The following GLYAT variants were observed in gnomAD, a reference collection of about 807,000 sequenced individuals.
GLYAT encodes glycine-N-acyltransferase.
A neutral mutation model predicts 22.8 loss-of-function variants in GLYAT; 25 were observed. The ratio of observed to expected loss-of-function variants is 1.09; its 90% CI spans 0.80 to 1.53. GLYAT has a LOEUF of 1.53. Among genes scored for constraint, GLYAT ranks in the 40% most tolerant of loss-of-function variants. GLYAT has a pLI of 0.00. For synonymous variants in GLYAT, 140 were observed against 122.7 expected (o/e 1.14, Z -0.93); for missense variants, 411 against 353.9 (o/e 1.16, Z -1.29).
At chr11:58,727,377 T>C (rs899105430) in intron 1 of GLYAT, among the ~76,000 whole-genome samples, 2 of 152,184 alleles carry the variant, frequency 1.3e-5, no homozygotes, top group Admixed American at 6.5e-5. Flanking sequence ...GGCAGACTTG[T>C]CTTCAAGCCA....
chr11:58,728,352 C>T (rs567024593), intron 1 of GLYAT, among the ~76,000 whole-genome samples: 44 of 152,052 alleles, frequency 2.9e-4, no homozygotes, highest in African/African-American at 9.9e-4. Flanking sequence ...TGAGCCACTG[C>T]GCCTGGCTAA....
intron 1 of GLYAT, among the ~76,000 whole-genome samples, chr11:58,728,146 T>G (rs1160535392): frequency 7.9e-6 from 1 of 126,402 alleles, no homozygotes; most frequent in Non-Finnish European, 1.6e-5. Context: ...CACTGCAACC[T>G]CCACCTCCCA....
chr11:58,719,476 T>C (rs1856723024), intron 2 of GLYAT, among the ~76,000 whole-genome samples: 1 of 152,040 alleles, frequency 6.6e-6, no homozygotes, highest in African/African-American at 2.4e-5. Flanking sequence ...TTTTCATCAG[T>C]GTTCCTTTGA....
Position 58,709,814 on chromosome 11 carries a change from A to G in GLYAT, c.843T>C (p.His281=). 1 of 1,613,800 alleles carries G rather than the reference A, an allele frequency of 6.2e-7. No individual in the cohort carries two copies. The highest frequency in any genetic ancestry group is 8.5e-7 in the Non-Finnish European group (1 of 1,179,710). ...AMQKMSYTLQ[H]VPIPRSWNQW... ...GGTTCCAGCTTCTGGGAATGGGAACATGTTGCAGTGTGTAACTCATTTTTT... is the reference window on the plus strand; with the variant it reads ...GGTTCCAGCTTCTGGGAATGGGAACGTGTTGCAGTGTGTAACTCATTTTTT... The change falls in exon 6 of 6, where the codon CAT becomes CAC. Residue 281 remains histidine (H), a synonymous_variant. Transcript: ENST00000344743.
chr11:58,728,892 A>AAGAAAGAAAGAAGGAAGGAG (rs200455663), intron 1 of GLYAT, among the ~76,000 whole-genome samples: 25 of 89,196 alleles, frequency 2.8e-4, no homozygotes, highest in African/African-American at 1.1e-3. Context: ...GAAAGAAAGA[A>AAGAAAGAAAGAAGGAAGGAG]GGAAGGAAGG....
intron 3 of GLYAT, among the ~76,000 whole-genome samples, chr11:58,713,730 A>G (rs1314706547): frequency 1.3e-5 from 2 of 152,084 alleles, no homozygotes; most frequent in African/African-American, 2.4e-5. Context: ...GAATTAAAAA[A>G]CTTTTTAAAA....
intron 1 of GLYAT, among the ~76,000 whole-genome samples, chr11:58,730,383 C>T (rs917062453): frequency 1.3e-5 from 2 of 152,042 alleles, no homozygotes; most frequent in South Asian, 2.1e-4. Context: ...TAAGGTGGGA[C>T]GATTCTAATA....
intron 2 of GLYAT, among the ~76,000 whole-genome samples, chr11:58,720,317 C>A (rs189970544): frequency 6.6e-6 from 1 of 151,900 alleles, no homozygotes; most frequent in Non-Finnish European, 1.5e-5. Flanking sequence ...AAATTATGAC[C>A]AATTTGCCTA....
chr11:58,710,533 A>G (rs1489113879), intron 5 of GLYAT, 57 bp downstream of exon 5: 5 of 1,269,734 alleles, frequency 3.9e-6, no homozygotes, highest in Middle Eastern at 3.7e-4. Flanking sequence ...CAGGGAGAGA[A>G]GTTGGGAGGT....
At position 58,720,722 on chromosome 11, in the gene GLYAT, A is replaced by G. The variant is rs114621024; in HGVS notation, c.81+3694T>C. Reference sequence around the variant, plus strand: ...AACCCATATCAATGCATTATTTATTAAAAATTACACAAGCAATGATTATCC... The same window carrying G: ...AACCCATATCAATGCATTATTTATTGAAAATTACACAAGCAATGATTATCC... On this transcript the variant is annotated intron_variant, in intron 2 of 5. Coordinates refer to ENST00000344743, the MANE Select transcript of GLYAT (RefSeq NM_201648.3). Among the ~76,000 whole-genome samples the G allele has an allele frequency of 5.3e-3, 812 of 152,192 alleles. 9 individuals carry two copies. The highest frequency in any genetic ancestry group is 0.019 in the African/African-American group (783 of 41,552).
intron 1 of GLYAT, among the ~76,000 whole-genome samples, chr11:58,729,652 T>C (rs556646772): frequency 1.3e-5 from 2 of 152,324 alleles, no homozygotes; most frequent in East Asian, 3.9e-4. Flanking sequence ...TCCAAAAGTA[T>C]AGAGACATTA....
At chr11:58,728,873 AGAAAGAAAGAAAGAAAGAAG>A (rs1856838538) in intron 1 of GLYAT, 4 of 113,484 alleles carry the variant, frequency 3.5e-5, no homozygotes, top group African/African-American at 7.2e-5. Context: ...AAAGAAAGAA[AGAAAGAAAGAAAGAAAGAAG>A]GAAGGAAGGA....
At chr11:58,722,410 T>G (rs1037016837) in intron 2 of GLYAT, among the ~76,000 whole-genome samples, 1 of 152,042 alleles carries the variant, frequency 6.6e-6, no homozygotes, top group Non-Finnish European at 1.5e-5. Context: ...TTTATATATT[T>G]TAGGGAGATA....
At chr11:58,727,257 C>T (rs1392151627) in intron 1 of GLYAT, among the ~76,000 whole-genome samples, 2 of 152,068 alleles carry the variant, frequency 1.3e-5, no homozygotes, top group Non-Finnish European at 2.9e-5. Context: ...GGGATGTCTG[C>T]AAGGGAGCTC....
intron 4 of GLYAT, 58 bp from the exon 5 acceptor site, chr11:58,710,819 T>C: frequency 9.8e-7 from 1 of 1,021,238 alleles, no homozygotes; most frequent in Non-Finnish European, 1.5e-6. Context: ...ACTGAAGTTC[T>C]GCAGTGGAGT....
intron 2 of GLYAT, among the ~76,000 whole-genome samples, chr11:58,723,711 A>T (rs1444784325): frequency 6.6e-6 from 1 of 152,074 alleles, no homozygotes; most frequent in Admixed American, 6.6e-5. Flanking sequence ...TGCTAAATAT[A>T]TACATACAGA....
rs372984833 is a variant in GLYAT, at chr11:58,712,741, T to G, written c.316+19A>C. 379 of 1,610,462 alleles carry G rather than the reference T, an allele frequency of 2.4e-4. 1 individual carries two copies. In the Middle Eastern group the frequency reaches 3.3e-3, roughly 14 times the overall value. On this transcript the variant is annotated intron_variant, in intron 4 of 5. Coordinates refer to ENST00000344743, the MANE Select transcript of GLYAT (RefSeq NM_201648.3). ...GGACACATAAGTGAGTCAGCACACA[T>G]CCCATTCCTCTTACTTACTTTGAAT...
chr11:58,715,109 T>C (rs1856663313), intron 3 of GLYAT, among the ~76,000 whole-genome samples: 1 of 152,130 alleles, frequency 6.6e-6, no homozygotes, highest in Non-Finnish European at 1.5e-5. Context: ...CCTCTTTCTG[T>C]ATCCTGTTTA....
chr11:58,712,016 C>A (rs1856622247), intron 4 of GLYAT, among the ~76,000 whole-genome samples: 1 of 152,182 alleles, frequency 6.6e-6, no homozygotes, highest in East Asian at 1.9e-4. Context: ...CTCATTCAGG[C>A]ATGTGAGTGA....
Sources: gnomAD v4.1 joint callset for allele counts (sites outside exome capture counted in the v4.1 genomes callset) on GRCh38, gnomAD v4.1.1 for gene constraint, MANE v1.5 for transcripts, NCBI Gene and HGNC (gene_info 2026-07-23, HGNC 2026-07-21) for gene names.